TSHZ2: variants seen among roughly 807,000 people sequenced by gnomAD.
TSHZ2 encodes the protein teashirt zinc finger homeobox 2, also known as teashirt homolog 2.
TSHZ2 carries 21 observed loss-of-function variants against 74.4 expected under a neutral mutation model. That is an observed-to-expected ratio of 0.28 (90% CI 0.20 to 0.41). The LOEUF is 0.41. Ranked by LOEUF, TSHZ2 falls within the 10% of genes least tolerant of loss-of-function variation. The pLI, the probability that TSHZ2 is intolerant of heterozygous loss-of-function variation, is 1.00. For synonymous variants in TSHZ2, 540 were observed against 515.3 expected (o/e 1.05, Z -0.65); for missense variants, 1,244 against 1,293.5 (o/e 0.96, Z 0.59).
intron 1 of TSHZ2, 40 bp from the exon 2 acceptor site, chr20:53,253,459 G>A: frequency 6.5e-7 from 1 of 1,549,958 alleles, no homozygotes; most frequent in Non-Finnish European, 8.7e-7. Flanking sequence ...GGAATATGGA[G>A]CCTGTTACTG....
chr20:53,248,362 C>T (rs756703659), intron 1 of TSHZ2, among the ~76,000 whole-genome samples: 8 of 152,040 alleles, frequency 5.3e-5, no homozygotes, highest in Non-Finnish European at 1.0e-4. Flanking sequence ...GTGTGAGCCA[C>T]CATGCCCAGC....
At chr20:53,317,791 G>GCA (rs1475687501) in intron 2 of TSHZ2, among the ~76,000 whole-genome samples, 6 of 152,260 alleles carry the variant, frequency 3.9e-5, no homozygotes, top group Non-Finnish European at 7.4e-5. Flanking sequence ...CCCTCTTTTT[G>GCA]CACACACAGC....
chr20:53,028,086 G>T (rs968103063), intron 1 of TSHZ2, among the ~76,000 whole-genome samples: 1 of 152,180 alleles, frequency 6.6e-6, no homozygotes, highest in African/African-American at 2.4e-5. Flanking sequence ...TCTACAGAGT[G>T]CAGGAAATCC....
At chr20:53,418,408 A>G (rs1158889824) in intron 2 of TSHZ2, among the ~76,000 whole-genome samples, 1 of 152,236 alleles carries the variant, frequency 6.6e-6, no homozygotes, top group Non-Finnish European at 1.5e-5. Flanking sequence ...GATATACCCG[A>G]GGCTGGGCAA....
chr20:53,469,670 A>ACCCAAGAAAGATAGAGAGGGAGGGAGGG (rs1985713268), intron 2 of TSHZ2, among the ~76,000 whole-genome samples: 1 of 52,046 alleles, frequency 1.9e-5, no homozygotes, highest in Non-Finnish European at 4.0e-5. Context: ...GGAAGGAAGG[A>ACCCAAGAAAGATAGAGAGGGAGGGAGGG]AGGAAGGAAG....
At chr20:53,257,819 C>T (rs954596953) in intron 2 of TSHZ2, among the ~76,000 whole-genome samples, 15 of 152,156 alleles carry the variant, frequency 9.9e-5, no homozygotes, top group African/African-American at 3.4e-4. Context: ...AATTCACGAT[C>T]GAATATGAAA....
intron 2 of TSHZ2, among the ~76,000 whole-genome samples, chr20:53,472,388 G>A (rs1031682811): frequency 2.0e-5 from 3 of 152,142 alleles, no homozygotes; most frequent in East Asian, 1.9e-4. Flanking sequence ...AAAGACGACC[G>A]AACTTTCTGG....
In TSHZ2 at chr20:53,253,697, A is replaced by G; in HGVS notation, c.239A>G (p.Glu80Gly). 6.2e-7 allele frequency: 1 copy of G among 1,614,192 alleles called. No homozygotes were observed. Among genetic ancestry groups the G allele is most frequent in the Non-Finnish European group, 8.5e-7 (1 of 1,180,036 alleles). ...PGSHLSNQDAENESLLSDASD... is the reference protein window; with the variant it reads ...PGSHLSNQDAGNESLLSDASD... ...AGTCATTTGTCCAATCAGGATGCCG[A>G]GAACGAGTCTCTGCTGAGTGACGCC... Residue 80 changes from glutamate to glycine, a missense_variant, in exon 2 of 3, where the codon GAG becomes GGG. This residue lies in a region of TSHZ2 where 470 missense variants were observed against 456.5 expected (regional missense o/e 1.03). Transcript: ENST00000371497.
chr20:53,041,596 C>A (rs1053989942), intron 1 of TSHZ2, among the ~76,000 whole-genome samples: 1 of 152,166 alleles, frequency 6.6e-6, no homozygotes, highest in Middle Eastern at 3.2e-3. Flanking sequence ...ACTGGATAGG[C>A]TAATATAACA....
chr20:53,435,101 G>A (rs193105893), intron 2 of TSHZ2, among the ~76,000 whole-genome samples: 5 of 152,318 alleles, frequency 3.3e-5, no homozygotes, highest in Admixed American at 2.6e-4. Context: ...TCAGAAATCT[G>A]GCCCTTTCTT....
intron 1 of TSHZ2, among the ~76,000 whole-genome samples, chr20:53,021,812 A>G (rs1165758928): frequency 6.6e-6 from 1 of 152,206 alleles, no homozygotes; most frequent in Non-Finnish European, 1.5e-5. Context: ...ATGTTAAGTA[A>G]CACTGATGTA....
intron 2 of TSHZ2, among the ~76,000 whole-genome samples, chr20:53,401,500 C>A (rs1369255948): frequency 6.6e-6 from 1 of 152,144 alleles, no homozygotes; most frequent in Non-Finnish European, 1.5e-5. Flanking sequence ...ATCACCTGAG[C>A]AGTGTACACT....
intron 1 of TSHZ2, among the ~76,000 whole-genome samples, chr20:52,995,401 A>G (rs541397245): frequency 6.6e-4 from 100 of 152,148 alleles, no homozygotes; most frequent in African/African-American, 2.4e-3. Context: ...GGTTTCCACG[A>G]CCCTCCCTGA....
intron 1 of TSHZ2, among the ~76,000 whole-genome samples, chr20:53,225,863 G>A (rs921398147): frequency 3.3e-5 from 5 of 152,048 alleles, no homozygotes; most frequent in Non-Finnish European, 7.3e-5. Context: ...ATTGTAACAG[G>A]GAAAGAGGGA....
intron 2 of TSHZ2, among the ~76,000 whole-genome samples, chr20:53,474,024 C>T (rs1460310883): frequency 4.0e-5 from 6 of 151,480 alleles, no homozygotes; most frequent in Admixed American, 6.6e-5. Flanking sequence ...ACCAAATCTA[C>T]GTCTGATTGG....
intron 2 of TSHZ2, among the ~76,000 whole-genome samples, chr20:53,388,230 G>A (rs1315867816): frequency 6.6e-6 from 1 of 152,142 alleles, no homozygotes; most frequent in Non-Finnish European, 1.5e-5. Flanking sequence ...ATCTTACAAT[G>A]TTTCTCTTCA....
chr20:53,275,198 C>T (rs995958442), intron 2 of TSHZ2, among the ~76,000 whole-genome samples: 1 of 152,122 alleles, frequency 6.6e-6, no homozygotes, highest in Non-Finnish European at 1.5e-5. Flanking sequence ...AAACATGTAA[C>T]AGAGGCATTT....
intron 1 of TSHZ2, among the ~76,000 whole-genome samples, chr20:53,103,941 G>A (rs1429993632): frequency 6.6e-6 from 1 of 152,184 alleles, no homozygotes; most frequent in East Asian, 1.9e-4. Context: ...CATTTTTAAT[G>A]TTATGTCAGA....
chr20:53,285,948 A>G (rs999054135), intron 2 of TSHZ2, among the ~76,000 whole-genome samples: 10 of 152,166 alleles, frequency 6.6e-5, no homozygotes, highest in Non-Finnish European at 1.3e-4. Flanking sequence ...TCCTACCCTC[A>G]TGAAGCTTTG....
Sources: gnomAD v4.1 joint callset for allele counts (sites outside exome capture counted in the v4.1 genomes callset) on GRCh38, gnomAD v4.1.1 for gene constraint, gnomAD v4.1.1 regional missense constraint, MANE v1.5 for transcripts, NCBI Gene and HGNC (gene_info 2026-07-23, HGNC 2026-07-21) for gene names.